The following KIAA0040 variants were observed in gnomAD, a reference collection of about 807,000 sequenced individuals.
KIAA0040 encodes the protein KIAA0040, also known as uncharacterized protein KIAA0040.
In KIAA0040, 10 loss-of-function variants were observed where a neutral mutation model predicts 7.2. The observed-to-expected ratio is 1.38, with a 90% CI of 0.85 to 2.34. KIAA0040 has a LOEUF of 2.34. KIAA0040 is among the 30% of genes most tolerant of loss of function. KIAA0040 has a pLI of 0.00. For synonymous variants in KIAA0040, 49 were observed against 40.1 expected (o/e 1.22, Z -0.84); for missense variants, 89 against 108.2 (o/e 0.82, Z 0.79).
chr1:175,168,787 C>A (rs1292130386), intron 2 of KIAA0040, among the ~76,000 whole-genome samples: 1 of 152,208 alleles, frequency 6.6e-6, no homozygotes, highest in Non-Finnish European at 1.5e-5. Context: ...TTGCAAGATG[C>A]CCACCATATT....
intron 1 of KIAA0040, among the ~76,000 whole-genome samples, chr1:175,181,572 G>C (rs868150351): frequency 6.6e-6 from 1 of 152,164 alleles, no homozygotes; most frequent in Non-Finnish European, 1.5e-5. Context: ...TTCTTCTTTT[G>C]ATAGACACTT....
At chr1:175,185,077 C>T (rs1447152361) in intron 1 of KIAA0040, among the ~76,000 whole-genome samples, 1 of 152,068 alleles carries the variant, frequency 6.6e-6, no homozygotes, top group Non-Finnish European at 1.5e-5. Flanking sequence ...ATCCAAAACC[C>T]AAATGCTCCA....
intron 1 of KIAA0040, among the ~76,000 whole-genome samples, chr1:175,183,734 C>T (rs193054117): frequency 1.2e-3 from 183 of 152,310 alleles, no homozygotes; most frequent in African/African-American, 4.2e-3. Flanking sequence ...GCCGCACTAG[C>T]GAGCAGAGAT....
At chr1:175,176,322 C>A (rs1677187856) in intron 2 of KIAA0040, 1 of 152,180 alleles carries the variant, frequency 6.6e-6, no homozygotes, top group African/African-American at 2.4e-5. Context: ...TACCTTACTG[C>A]AATATTAAGT....
intron 1 of KIAA0040, among the ~76,000 whole-genome samples, chr1:175,191,177 C>T (rs1228777540): frequency 6.6e-6 from 1 of 152,204 alleles, no homozygotes; most frequent in Non-Finnish European, 1.5e-5. Flanking sequence ...CTTTGGACTC[C>T]AAGGCCCTGG....
At chr1:175,183,752 C>T (rs1677538496) in intron 1 of KIAA0040, among the ~76,000 whole-genome samples, 1 of 152,214 alleles carries the variant, frequency 6.6e-6, no homozygotes, top group East Asian at 1.9e-4. Flanking sequence ...GATCCCAGCA[C>T]AGACTAATCC....
chr1:175,187,508 C>T (rs1677707641), intron 1 of KIAA0040, among the ~76,000 whole-genome samples: 1 of 152,168 alleles, frequency 6.6e-6, no homozygotes, highest in African/African-American at 2.4e-5. Flanking sequence ...AGGTTAGAAA[C>T]CATGAGCAGA....
chr1:175,158,453 A>T lies in KIAA0040; in HGVS notation c.*2261T>A, dbSNP rs12074601. On this transcript the variant is annotated 3_prime_UTR_variant, in exon 4 of 4. Transcript: ENST00000423313. ...ACTTGTATGGTCCCGGATCCCGGTG[A>T]TCCGCCCTCCTAGATCATATCTGAC... 1 of 152,066 alleles carries T rather than the reference A, an allele frequency of 6.6e-6. No homozygotes were observed. Among genetic ancestry groups the T allele is most frequent in the Non-Finnish European group, 1.5e-5 (1 of 68,026 alleles). The allele number at this position is 152,066 out of a possible 1,614,324, so 9.4% of individuals were successfully genotyped here.
At chr1:175,189,942 C>G (rs1011094311) in intron 1 of KIAA0040, among the ~76,000 whole-genome samples, 4 of 152,164 alleles carry the variant, frequency 2.6e-5, no homozygotes, top group Admixed American at 6.5e-5. Flanking sequence ...TTCTTCCATG[C>G]AGGTCACACA....
chr1:175,176,669 C>CTTTT (rs34859478), intron 2 of KIAA0040, among the ~76,000 whole-genome samples: 442 of 27,446 alleles, frequency 0.016, 122 homozygotes, highest in South Asian at 0.018. Context: ...AAGTAGCATG[C>CTTTT]TTTTTTTTTT....
Position 175,160,940 on chromosome 1 carries a change from T to C in KIAA0040, c.74A>G (p.Asn25Ser), listed in dbSNP as rs1203682445. The change falls in exon 4 of 4, where the codon AAC becomes AGC. Residue 25 changes from asparagine to serine, a missense_variant. Asn to Ser is a conservative substitution (Grantham distance 46). Coordinates refer to ENST00000423313, the MANE Select transcript of KIAA0040 (RefSeq NM_014656.3). ...ILTKHQEGIYNTICLGVLLGL... is the reference protein window; with the variant it reads ...ILTKHQEGIYSTICLGVLLGL... ...CAGGAGGACTCCCAGGCAGATGGTG[T>C]TGTAGATGCCTTCTTGGTGTTTGGT... is the stretch of plus-strand genomic sequence containing the variant. The C allele has an allele frequency of 6.4e-7, 1 of 1,551,360 alleles. No individual in the cohort carries two copies. The highest frequency in any genetic ancestry group is 1.4e-5 in the African/African-American group (1 of 72,988).
Position 175,160,885 on chromosome 1 carries a change from G to A in KIAA0040, c.129C>T (p.Leu43=), listed in dbSNP as rs1676512222. ...AGCAGCAATGGCAACAGATGAAGAG[G>A]AGTGTGATGATCACCAAGAGTGGCA... ...LGLPLLVIIT[L]LFICCHCCWS... is the part of the protein sequence containing the mutation. Residue 43 remains leucine (L), a synonymous_variant, in exon 4 of 4, where the codon CTC becomes CTT. Transcript: ENST00000423313. 1 of 1,551,616 alleles carries A rather than the reference G, an allele frequency of 6.4e-7. No individual in the cohort carries two copies. Among genetic ancestry groups the A allele is most frequent in the Non-Finnish European group, 8.7e-7 (1 of 1,146,978 alleles).
At chr1:175,167,695 G>A (rs1676822078) in intron 2 of KIAA0040, among the ~76,000 whole-genome samples, 3 of 152,110 alleles carry the variant, frequency 2.0e-5, no homozygotes, top group South Asian at 4.1e-4. Flanking sequence ...CCAGAAAGTG[G>A]CAGCTGGGCC....
chr1:175,176,348 T>C lies in KIAA0040; in HGVS notation c.-310+1263A>G, dbSNP rs190700564. The C allele has an allele frequency of 2.6e-5, 4 of 152,312 alleles. No individual in the cohort carries two copies. The South Asian group carries it at 8.3e-4, about 32-fold the overall frequency. 9.4% of individuals were successfully genotyped at this position (152,312 alleles called of 1,614,324 possible). A position where few individuals can be genotyped will look rare whatever the true frequency, so the allele number is the denominator to read the frequency against. On this transcript the variant is annotated intron_variant, in intron 2 of 3. Transcript: ENST00000423313. ...AATATTAAGTCTTAAAATGCAAAGA[T>C]CAAATCATAGAGGGAGTGAGCATAA...
chr1:175,176,651 G>T (rs186578998), intron 2 of KIAA0040, among the ~76,000 whole-genome samples: 2 of 117,432 alleles, frequency 1.7e-5, no homozygotes, highest in Admixed American at 1.2e-4. Flanking sequence ...CACATCCAGT[G>T]TCAGGTTAAG....
intron 1 of KIAA0040, among the ~76,000 whole-genome samples, chr1:175,186,008 A>G (rs1158684051): frequency 1.3e-5 from 2 of 152,222 alleles, no homozygotes; most frequent in African/African-American, 4.8e-5. Context: ...TAGGATGCAG[A>G]TTGGTGGTTG....
upstream of KIAA0040, chr1:175,192,909 G>C (rs566911634): frequency 9.4e-4 from 140 of 149,526 alleles, no homozygotes; most frequent in African/African-American, 3.1e-3. Flanking sequence ...GCCTTCCTAC[G>C]GGCCGACGCC....
chr1:175,185,006 G>A (rs926158995), intron 1 of KIAA0040, among the ~76,000 whole-genome samples: 1 of 152,154 alleles, frequency 6.6e-6, no homozygotes, highest in Non-Finnish European at 1.5e-5. Context: ...TCTTCGTGGA[G>A]ACCTCAATTT....
intron 2 of KIAA0040, among the ~76,000 whole-genome samples, chr1:175,167,620 A>G (rs1676817599): frequency 6.6e-6 from 1 of 152,058 alleles, no homozygotes; most frequent in African/African-American, 2.4e-5. Flanking sequence ...CATAAAGAAC[A>G]CTCTCTCTGA....
Sources: gnomAD v4.1 joint callset for allele counts (sites outside exome capture counted in the v4.1 genomes callset) on GRCh38, gnomAD v4.1.1 for gene constraint, MANE v1.5 for transcripts, NCBI Gene and HGNC (gene_info 2026-07-23, HGNC 2026-07-21) for gene names.